The following CHMP3 variants were observed in gnomAD, a reference collection of about 807,000 sequenced individuals.
CHMP3 encodes 25.1 protein.
A neutral mutation model predicts 27.4 loss-of-function variants in CHMP3; 8 were observed. The observed-to-expected ratio is 0.29, with a 90% CI of 0.17 to 0.53. CHMP3 has a LOEUF of 0.53. Ranked by LOEUF, CHMP3 falls within the 20% of genes least tolerant of loss-of-function variation. The probability of loss-of-function intolerance (pLI) is 0.96; values close to 1 mark genes in which losing one functional copy is unlikely to be tolerated. For missense variants in CHMP3, 208 were observed against 271.5 expected (o/e 0.77, Z 1.64); for synonymous variants, 86 against 85.5 (o/e 1.01, Z -0.03).
At chr2:86,548,142 G>A (rs981786860) in intron 1 of CHMP3, among the ~76,000 whole-genome samples, 2 of 149,536 alleles carry the variant, frequency 1.3e-5, no homozygotes, top group African/African-American at 4.9e-5. Context: ...CAGTATAGGA[G>A]AATACATTTA....
chr2:86,505,522 GCAAT>G lies in CHMP3; in HGVS notation c.*278_*281del, dbSNP rs1327634011. The G allele has an allele frequency of 3.1e-6, 1 of 318,260 alleles. No homozygotes were observed. The highest frequency in any genetic ancestry group is 2.1e-5 in the African/African-American group (1 of 47,048). 19.7% of individuals were successfully genotyped at this position (318,260 alleles called of 1,614,324 possible). A position where few individuals can be genotyped will look rare whatever the true frequency, so the allele number is the denominator to read the frequency against. ...CAAAAGTAGAGTCTTCGACATTCAGGCAATCACCTATATTTTCAGAAGTGCTTCA... is the reference window on the plus strand; with the variant it reads ...CAAAAGTAGAGTCTTCGACATTCAGGCACCTATATTTTCAGAAGTGCTTCA... On this transcript the variant is annotated 3_prime_UTR_variant, in exon 6 of 6. Coordinates refer to ENST00000263856, the MANE Select transcript of CHMP3 (RefSeq NM_016079.4).
intron 5 of CHMP3, 24 bp from the exon 6 acceptor site, chr2:86,505,973 A>G: frequency 2.0e-6 from 3 of 1,530,562 alleles, no homozygotes; most frequent in Non-Finnish European, 2.7e-6. Context: ...GCAAAGATGA[A>G]CACCACATTG....
At chr2:86,515,093 G>C (rs1175712023) in intron 3 of CHMP3, 1 of 151,972 alleles carries the variant, frequency 6.6e-6, no homozygotes, top group African/African-American at 2.4e-5. Flanking sequence ...ATCTCTCTGG[G>C]TTCAGGCTCT....
intron 3 of CHMP3, among the ~76,000 whole-genome samples, chr2:86,526,044 G>A (rs1486367840): frequency 6.6e-6 from 1 of 152,176 alleles, no homozygotes. Context: ...AGAGGCCAAA[G>A]AGCAAATACT....
At chr2:86,548,718 T>C (rs1676717847) in intron 1 of CHMP3, among the ~76,000 whole-genome samples, 1 of 152,208 alleles carries the variant, frequency 6.6e-6, no homozygotes, top group African/African-American at 2.4e-5. Context: ...AGCTATTGGG[T>C]ACACTTCCCA....
chr2:86,518,311 G>A (rs2104754148), intron 3 of CHMP3, among the ~76,000 whole-genome samples: 1 of 151,960 alleles, frequency 6.6e-6, no homozygotes, highest in South Asian at 2.1e-4. Flanking sequence ...ATAATGAACA[G>A]AAAGATAAAA....
At chr2:86,539,504 T>A (rs933117298) in intron 2 of CHMP3, among the ~76,000 whole-genome samples, 5 of 152,046 alleles carry the variant, frequency 3.3e-5, no homozygotes, top group African/African-American at 1.2e-4. Flanking sequence ...GAAACCTACA[T>A]GAAAGATATT....
intron 1 of CHMP3, among the ~76,000 whole-genome samples, chr2:86,560,916 T>C (rs532435415): frequency 1.3e-5 from 2 of 152,174 alleles, no homozygotes; most frequent in East Asian, 1.9e-4. Flanking sequence ...GAGAACTCAC[T>C]ATCTCAAGGA....
intron 1 of CHMP3, among the ~76,000 whole-genome samples, chr2:86,544,721 T>C (rs922858459): frequency 4.6e-5 from 7 of 152,232 alleles, no homozygotes; most frequent in African/African-American, 1.7e-4. Flanking sequence ...CAGAACAAAA[T>C]GGAGTCTCCT....
intron 2 of CHMP3, among the ~76,000 whole-genome samples, chr2:86,538,504 T>A (rs1573278806): frequency 1.3e-5 from 2 of 152,188 alleles, no homozygotes; most frequent in African/African-American, 4.8e-5. Context: ...TGGGTATAAA[T>A]ACAAAAACAG....
At chr2:86,525,549 A>C (rs912862638) in intron 3 of CHMP3, among the ~76,000 whole-genome samples, 1 of 151,752 alleles carries the variant, frequency 6.6e-6, no homozygotes, top group Non-Finnish European at 1.5e-5. Flanking sequence ...AAAAAAAAAA[A>C]CTACTTAAAA....
intron 1 of CHMP3, among the ~76,000 whole-genome samples, chr2:86,544,429 G>C (rs1441933619): frequency 6.6e-6 from 1 of 151,680 alleles, no homozygotes; most frequent in African/African-American, 2.4e-5. Context: ...ATAGTGGAGA[G>C]AAGGTCAGCA....
At chr2:86,558,667 A>T (rs1677223161) in intron 1 of CHMP3, among the ~76,000 whole-genome samples, 1 of 152,170 alleles carries the variant, frequency 6.6e-6, no homozygotes, top group Non-Finnish European at 1.5e-5. Flanking sequence ...GCCAGGACCC[A>T]GACCCACCTG....
At chr2:86,544,846 G>A (rs558734871) in intron 1 of CHMP3, among the ~76,000 whole-genome samples, 2 of 152,332 alleles carry the variant, frequency 1.3e-5, no homozygotes, top group East Asian at 3.9e-4. Flanking sequence ...CTTGATGGTT[G>A]CTGTCTCTTC....
chr2:86,507,507 A>G lies in CHMP3; in HGVS notation c.495T>C (p.Ile165=), dbSNP rs770361976. ...EEMEEEAEME[I]DRILFEITAG... Reference sequence around the variant, plus strand: ...CTGTAATTTCAAAGAGAATTCTGTCAATTTCCATTTCTGCTTCTTCCTCCA... The same window carrying G: ...CTGTAATTTCAAAGAGAATTCTGTCGATTTCCATTTCTGCTTCTTCCTCCA... The change falls in exon 5 of 6, where the codon ATT becomes ATC. Residue 165 remains isoleucine (I), a synonymous_variant. Coordinates refer to ENST00000263856, the MANE Select transcript of CHMP3 (RefSeq NM_016079.4). 1.9e-6 allele frequency: 3 copies of G among 1,614,044 alleles called. No individual in the cohort carries two copies. In the African/African-American group the frequency reaches 4.0e-5, roughly 22 times the overall value.
chr2:86,563,398 A>G lies in CHMP3; in HGVS notation c.-50T>C. On this transcript the variant is annotated 5_prime_UTR_variant, in exon 1 of 6. Coordinates refer to ENST00000263856, the MANE Select transcript of CHMP3 (RefSeq NM_016079.4). ...TTCCGGCTTTCAGTTCCCCGCGCCC[A>G]GGCAGGTCACGGGCAGCCGCCTGGG... The G allele has an allele frequency of 1.2e-6, 2 of 1,600,470 alleles. No homozygotes were observed. The highest frequency in any genetic ancestry group is 1.1e-5 in the South Asian group (1 of 90,538).
At position 86,505,502 on chromosome 2, in the gene CHMP3, G is replaced by T; in HGVS notation, c.*302C>A. 1 of 270,684 alleles carries T rather than the reference G, an allele frequency of 3.7e-6. No homozygotes were observed. Among genetic ancestry groups the T allele is most frequent in the East Asian group, 6.9e-5 (1 of 14,554 alleles). The allele number at this position is 270,684 out of a possible 1,614,324, so 16.8% of individuals were successfully genotyped here. A position where few individuals can be genotyped will look rare whatever the true frequency, so the allele number is the denominator to read the frequency against. On this transcript the variant is annotated 3_prime_UTR_variant, in exon 6 of 6. Coordinates refer to ENST00000263856, the MANE Select transcript of CHMP3 (RefSeq NM_016079.4). ...TTTATATAGTGTTTTATAGACAAAAGTAGAGTCTTCGACATTCAGGCAATC... is the reference window on the plus strand; with the variant it reads ...TTTATATAGTGTTTTATAGACAAAATTAGAGTCTTCGACATTCAGGCAATC...
intron 2 of CHMP3, 35 bp from the exon 3 acceptor site, chr2:86,529,432 A>G: frequency 6.5e-7 from 1 of 1,531,038 alleles, no homozygotes. Context: ...AATCAAGGGT[A>G]AGTCAGGTTT....
Position 86,510,406 on chromosome 2 carries a change from A to G in CHMP3, c.360T>C (p.Ile120=), listed in dbSNP as rs1675056463. 1 of 1,613,930 alleles carries G rather than the reference A, an allele frequency of 6.2e-7. No homozygotes were observed. The highest frequency in any genetic ancestry group is 1.3e-5 in the African/African-American group (1 of 74,888). ...VMKAMQSLVK[I]PEIQATMREL... ...CCCTCATGGTGGCCTGAATCTCTGG[A>G]ATCTTCACAAGACTTTGCATGGCCT... The change falls in exon 4 of 6, where the codon ATT becomes ATC. Residue 120 remains isoleucine (I), a synonymous_variant. Transcript: ENST00000263856.
Sources: gnomAD v4.1 joint callset for allele counts (sites outside exome capture counted in the v4.1 genomes callset) on GRCh38, gnomAD v4.1.1 for gene constraint, MANE v1.5 for transcripts, NCBI Gene and HGNC (gene_info 2026-07-23, HGNC 2026-07-21) for gene names.